The following CLVS1 variants were observed in gnomAD, a reference collection of about 807,000 sequenced individuals.
CLVS1 encodes clavesin 1.
Under a neutral mutation model 33.1 loss-of-function variants are expected in CLVS1, and 10 were observed. That is an observed-to-expected ratio of 0.30 (90% confidence interval 0.19 to 0.51). CLVS1 has a LOEUF of 0.51. Among genes scored for constraint, CLVS1 ranks in the 20% least tolerant of loss-of-function variants. The pLI is 0.97. For missense variants in CLVS1, 343 were observed against 433.4 expected (o/e 0.79, Z 1.85); for synonymous variants, 163 against 166.1 (o/e 0.98, Z 0.14).
At chr8:61,105,251 T>C (rs1429723199) in intron 1 of CLVS1, among the ~76,000 whole-genome samples, 1 of 152,238 alleles carries the variant, frequency 6.6e-6, no homozygotes, top group Non-Finnish European at 1.5e-5. Context: ...AAAAACAAAC[T>C]TGAATCACTT....
At chr8:61,484,574 A>G (rs1376852298) in intron 5 of CLVS1, among the ~76,000 whole-genome samples, 1 of 152,246 alleles carries the variant, frequency 6.6e-6, no homozygotes, top group Non-Finnish European at 1.5e-5. Context: ...GACTTTCTTC[A>G]CAGAATTGGA....
the CLVS1 span, among the ~76,000 whole-genome samples, chr8:60,996,965 C>T: frequency 6.6e-6 from 1 of 152,132 alleles, no homozygotes; most frequent in Admixed American, 6.5e-5. Flanking sequence ...TTCCCACCCT[C>T]ACCCCCGTCC....
intron 2 of CLVS1, among the ~76,000 whole-genome samples, chr8:61,168,228 G>A (rs4737578): frequency 6.6e-6 from 1 of 152,092 alleles, no homozygotes; most frequent in African/African-American, 2.4e-5. Flanking sequence ...TTGGGGTCTT[G>A]TTTCTTCTTC....
At chr8:61,094,827 T>G (rs932555583) in intron 1 of CLVS1, among the ~76,000 whole-genome samples, 5 of 152,304 alleles carry the variant, frequency 3.3e-5, no homozygotes, top group Admixed American at 2.0e-4. Flanking sequence ...CCTCCAGAAC[T>G]GTGAGGAAAT....
At chr8:61,099,801 T>C (rs1805416824) in intron 1 of CLVS1, among the ~76,000 whole-genome samples, 1 of 152,224 alleles carries the variant, frequency 6.6e-6, no homozygotes, top group African/African-American at 2.4e-5. Flanking sequence ...ATATTCAGGC[T>C]ACTGGGGATA....
At chr8:61,006,022 G>A in the CLVS1 span, among the ~76,000 whole-genome samples, 3 of 152,164 alleles carry the variant, frequency 2.0e-5, no homozygotes, top group African/African-American at 7.2e-5. Flanking sequence ...CAATATGGGT[G>A]ACTTTTCTGT....
At chr8:61,165,199 C>T (rs1806835225) in intron 2 of CLVS1, among the ~76,000 whole-genome samples, 1 of 152,254 alleles carries the variant, frequency 6.6e-6, no homozygotes, top group Non-Finnish European at 1.5e-5. Context: ...AGCAGACACC[C>T]TGCTGGATCC....
chr8:61,202,403 T>G, intron 2 of CLVS1: 2 of 763,982 alleles, frequency 2.6e-6, no homozygotes, highest in African/African-American at 1.7e-5. Flanking sequence ...CAGAACTATC[T>G]TTTTGGTTGT....
the CLVS1 span, among the ~76,000 whole-genome samples, chr8:60,999,524 A>G: frequency 1.3e-5 from 2 of 152,176 alleles, no homozygotes; most frequent in African/African-American, 4.8e-5. Context: ...CACCCTGCCT[A>G]CCTCACAAGG....
intron 1 of CLVS1, among the ~76,000 whole-genome samples, chr8:61,074,487 GTGTATATA>G (rs1804872530): frequency 1.4e-5 from 2 of 146,386 alleles, no homozygotes; most frequent in Admixed American, 6.9e-5. Context: ...ATAAGTATAT[GTGTATATA>G]TATATGTGTA....
At chr8:61,354,302 A>G (rs918291757) in intron 2 of CLVS1, among the ~76,000 whole-genome samples, 8 of 152,086 alleles carry the variant, frequency 5.3e-5, no homozygotes, top group African/African-American at 1.9e-4. Flanking sequence ...AAAAATTATA[A>G]TAGCAGAAAC....
chr8:61,266,802 T>A (rs1809315256), intron 2 of CLVS1, among the ~76,000 whole-genome samples: 1 of 152,218 alleles, frequency 6.6e-6, no homozygotes, highest in South Asian at 2.1e-4. Context: ...CAGTCCCCAG[T>A]GTCTAAAAGG....
intron 3 of CLVS1, among the ~76,000 whole-genome samples, 157 bp from the exon 4 acceptor site, chr8:61,453,984 A>G (rs1190867336): frequency 6.6e-6 from 1 of 152,160 alleles, no homozygotes; most frequent in African/African-American, 2.4e-5. Flanking sequence ...ATCCTTAACA[A>G]TTAGGAAGTG....
At chr8:61,044,480 G>A in the CLVS1 span, among the ~76,000 whole-genome samples, 3 of 152,098 alleles carry the variant, frequency 2.0e-5, no homozygotes, top group East Asian at 5.8e-4. Context: ...AGCAGGTCCA[G>A]AGGATACAAA....
chr8:61,489,168 AAAAC>A (rs749637949), intron 5 of CLVS1, among the ~76,000 whole-genome samples: 5 of 152,212 alleles, frequency 3.3e-5, no homozygotes, highest in Admixed American at 6.5e-5. Flanking sequence ...TGCTGCGCCT[AAAAC>A]AAACATTTTA....
At chr8:61,064,536 CATTTTTTTTTTTT>C (rs1804640529) in intron 1 of CLVS1, among the ~76,000 whole-genome samples, 1 of 141,444 alleles carries the variant, frequency 7.1e-6, no homozygotes, top group East Asian at 2.1e-4. Flanking sequence ...GTTCTTTGCC[CATTTTTTTTTTTT>C]TTTTTTTTGA....
the CLVS1 span, among the ~76,000 whole-genome samples, chr8:61,028,573 T>C: frequency 3.9e-5 from 6 of 152,168 alleles, no homozygotes; most frequent in African/African-American, 1.4e-4. Flanking sequence ...ATTGGGTAGG[T>C]TCCTGGGCCT....
intron 5 of CLVS1, among the ~76,000 whole-genome samples, chr8:61,468,926 T>C (rs903137156): frequency 6.6e-6 from 1 of 152,130 alleles, no homozygotes; most frequent in Non-Finnish European, 1.5e-5. Context: ...GTGAGCTGAA[T>C]GGAGCGATAC....
chr8:61,100,876 G>A (rs1034388473), intron 1 of CLVS1, among the ~76,000 whole-genome samples: 7 of 152,018 alleles, frequency 4.6e-5, no homozygotes, highest in African/African-American at 1.7e-4. Context: ...TTTGAAGGTT[G>A]ATCCATGGTG....
Sources: gnomAD v4.1 joint callset for allele counts (sites outside exome capture counted in the v4.1 genomes callset) on GRCh38, gnomAD v4.1.1 for gene constraint, MANE v1.5 for transcripts, NCBI Gene and HGNC (gene_info 2026-07-23, HGNC 2026-07-21) for gene names.